The following XKR6 variants were observed in gnomAD, a reference collection of about 807,000 sequenced individuals.
XKR6 encodes the protein XK-related protein 6.
A neutral mutation model predicts 56.7 loss-of-function variants in XKR6; 22 were observed. The ratio of observed to expected loss-of-function variants is 0.39; its 90% CI spans 0.28 to 0.55. The LOEUF (loss-of-function observed/expected upper bound fraction) is 0.55, where lower values mean the gene tolerates loss of function less well. XKR6 is among the 20% of genes least tolerant of loss of function. The pLI is 0.66. For missense variants in XKR6, 852 were observed against 889.0 expected, an observed-to-expected ratio of 0.96 and a Z score of 0.53; for synonymous variants, 524 against 387.8, an observed-to-expected ratio of 1.35 and a Z score of -4.13.
chr8:10,966,600 G>C (rs891894573), intron 1 of XKR6, among the ~76,000 whole-genome samples: 2 of 152,152 alleles, frequency 1.3e-5, no homozygotes, highest in Non-Finnish European at 2.9e-5. Flanking sequence ...CGTGAACCCA[G>C]GAGGCGGAGC....
chr8:10,932,220 C>T (rs1425587463), intron 1 of XKR6, among the ~76,000 whole-genome samples: 3 of 152,130 alleles, frequency 2.0e-5, no homozygotes, highest in South Asian at 2.1e-4. Flanking sequence ...AGTGCTGTCA[C>T]GAATACAGAG....
At chr8:11,029,197 T>C (rs917246428) in intron 1 of XKR6, among the ~76,000 whole-genome samples, 10 of 152,082 alleles carry the variant, frequency 6.6e-5, no homozygotes, top group African/African-American at 2.4e-4. Flanking sequence ...ATAGTCCCAA[T>C]TTTCCTTCTG....
intron 2 of XKR6, among the ~76,000 whole-genome samples, chr8:10,912,002 T>C (rs77797388): frequency 1.3e-5 from 2 of 148,654 alleles, no homozygotes; most frequent in Non-Finnish European, 3.0e-5. Flanking sequence ...TATATATATA[T>C]ATAGAGAGAG....
chr8:10,971,140 C>G (rs188157581), intron 1 of XKR6, among the ~76,000 whole-genome samples: 2 of 151,244 alleles, frequency 1.3e-5, no homozygotes, highest in Non-Finnish European at 2.9e-5. Flanking sequence ...TTACAAGCAG[C>G]GCCGGGCACG....
chr8:11,158,243 T>C (rs1801622802), intron 1 of XKR6, among the ~76,000 whole-genome samples: 2 of 152,192 alleles, frequency 1.3e-5, no homozygotes, highest in African/African-American at 4.8e-5. Context: ...TCTAACGGTC[T>C]GAGCGAGATT....
At chr8:11,199,327 A>T (rs1190564540) in intron 1 of XKR6, among the ~76,000 whole-genome samples, 1 of 152,222 alleles carries the variant, frequency 6.6e-6, no homozygotes, top group Non-Finnish European at 1.5e-5. Flanking sequence ...TGTTTTCTGA[A>T]ACGTTTTTAT....
intron 1 of XKR6, among the ~76,000 whole-genome samples, chr8:11,185,123 G>A (rs1300335844): frequency 1.3e-5 from 2 of 152,178 alleles, no homozygotes; most frequent in Non-Finnish European, 2.9e-5. Context: ...GTGAGTGTGA[G>A]TGTGCCCTGT....
At chr8:11,028,400 G>C (rs1001610622) in intron 1 of XKR6, among the ~76,000 whole-genome samples, 1 of 152,228 alleles carries the variant, frequency 6.6e-6, no homozygotes, top group African/African-American at 2.4e-5. Flanking sequence ...TATGAATAAA[G>C]CTGCTATACG....
chr8:10,908,007 G>A (rs933347011), intron 2 of XKR6, among the ~76,000 whole-genome samples: 2 of 152,222 alleles, frequency 1.3e-5, no homozygotes, highest in African/African-American at 4.8e-5. Flanking sequence ...CCTCCGCGTG[G>A]CTTCCAGTGC....
chr8:11,065,219 G>A (rs527918579), intron 1 of XKR6, among the ~76,000 whole-genome samples: 1 of 152,166 alleles, frequency 6.6e-6, no homozygotes, highest in Non-Finnish European at 1.5e-5. Context: ...GGCAAAGAAG[G>A]AAACACAGGA....
In XKR6 at chr8:10,972,372, G is replaced by C. The variant is rs147818762; in HGVS notation, c.765-47542C>G. On this transcript the variant is annotated intron_variant, in intron 1 of 2. Transcript: ENST00000416569. Reference sequence around the variant, plus strand: ...GAGCTGATTCAAAATGGAAAGGACAGATATGTGCAAGCATTCTGTAAACTC... The same window carrying C: ...GAGCTGATTCAAAATGGAAAGGACACATATGTGCAAGCATTCTGTAAACTC... Among the ~76,000 whole-genome samples, 3 of 152,348 alleles carry C rather than the reference G, an allele frequency of 2.0e-5. No homozygotes were observed. In the East Asian group the frequency reaches 5.8e-4, roughly 29 times the overall value.
chr8:10,984,732 CTA>C (rs58774414), intron 1 of XKR6, among the ~76,000 whole-genome samples: 6,306 of 47,340 alleles, frequency 0.13, 390 homozygotes, highest in Admixed American at 0.17. Flanking sequence ...CTCTCTCTCT[CTA>C]TATATATATA....
At chr8:10,944,643 T>C (rs901108549) in intron 1 of XKR6, among the ~76,000 whole-genome samples, 5 of 152,166 alleles carry the variant, frequency 3.3e-5, no homozygotes, top group African/African-American at 4.8e-5. Context: ...TCATAGGCTC[T>C]GAGTATGAGA....
At chr8:11,164,065 G>A (rs1238924558) in intron 1 of XKR6, among the ~76,000 whole-genome samples, 1 of 152,152 alleles carries the variant, frequency 6.6e-6, no homozygotes, top group African/African-American at 2.4e-5. Context: ...CAATCCCCCT[G>A]CCTACAGTGG....
At chr8:11,169,177 C>A (rs1281102178) in intron 1 of XKR6, among the ~76,000 whole-genome samples, 1 of 151,932 alleles carries the variant, frequency 6.6e-6, no homozygotes, top group East Asian at 2.0e-4. Context: ...AGTTGGCAAC[C>A]CTCTTCCAGG....
intron 2 of XKR6, among the ~76,000 whole-genome samples, chr8:10,900,260 T>C (rs1799998367): frequency 6.6e-6 from 1 of 152,064 alleles, no homozygotes; most frequent in Non-Finnish European, 1.5e-5. Flanking sequence ...AGAAGCCCCA[T>C]TCATCAAGAC....
chr8:11,136,504 C>CA (rs34465755), intron 1 of XKR6, among the ~76,000 whole-genome samples: 33,725 of 111,148 alleles, frequency 0.3, 4,976 homozygotes, highest in Middle Eastern at 0.48. Flanking sequence ...AACTCTGTCT[C>CA]AAAAAAAAAA....
intron 1 of XKR6, among the ~76,000 whole-genome samples, chr8:11,164,683 G>A (rs1801983378): frequency 6.6e-6 from 1 of 152,118 alleles, no homozygotes; most frequent in Non-Finnish European, 1.5e-5. Context: ...AATAGAGAGG[G>A]TCTTTGATTC....
intron 1 of XKR6, among the ~76,000 whole-genome samples, chr8:11,198,618 G>A (rs1395528011): frequency 2.0e-5 from 3 of 152,004 alleles, no homozygotes; most frequent in Admixed American, 2.0e-4. Flanking sequence ...ACTTTGCCAA[G>A]AAACAATTAA....
Sources: allele counts gnomAD v4.1 joint callset (sites outside exome capture counted in the v4.1 genomes callset), GRCh38; gene constraint gnomAD v4.1.1; transcripts MANE v1.5; gene names NCBI Gene and HGNC (gene_info 2026-07-23, HGNC 2026-07-21).